Variants in NALCN observed in about 807,000 individuals in gnomAD.
NALCN encodes the protein sodium leak channel NALCN.
A neutral mutation model predicts 225.3 loss-of-function variants in NALCN; 111 were observed. The ratio of observed to expected loss-of-function variants is 0.49; its 90% confidence interval spans 0.42 to 0.58. The LOEUF is 0.58. Ranked by LOEUF, NALCN falls within the 20% of genes least tolerant of loss-of-function variation. The probability of loss-of-function intolerance (pLI) is 0.00; values close to 1 mark genes in which losing one functional copy is unlikely to be tolerated. For missense variants in NALCN, 1,378 were observed against 2,202.4 expected, an observed-to-expected ratio of 0.63 and a Z score of 7.49; for synonymous variants, 764 against 769.0, an observed-to-expected ratio of 0.99 and a Z score of 0.11.
intron 6 of NALCN, among the ~76,000 whole-genome samples, chr13:101,354,843 A>G (rs1031765824): frequency 4.6e-5 from 7 of 152,212 alleles, no homozygotes; most frequent in African/African-American, 1.7e-4. Context: ...CAAGGTGGCC[A>G]GACATACTAA....
intron 26 of NALCN, among the ~76,000 whole-genome samples, chr13:101,101,978 T>C (rs1009029953): frequency 1.3e-5 from 2 of 152,226 alleles, no homozygotes; most frequent in African/African-American, 4.8e-5. Flanking sequence ...GTCACTGTTT[T>C]ATGGCTTTGC....
At chr13:101,322,959 C>T (rs1289669416) in intron 7 of NALCN, among the ~76,000 whole-genome samples, 5 of 151,992 alleles carry the variant, frequency 3.3e-5, no homozygotes, top group Admixed American at 6.6e-5. Flanking sequence ...TGATACTGCC[C>T]GCCTTGGCCT....
At chr13:101,313,092 T>C (rs2044412525) in intron 7 of NALCN, among the ~76,000 whole-genome samples, 1 of 152,206 alleles carries the variant, frequency 6.6e-6, no homozygotes, top group African/African-American at 2.4e-5. Context: ...AAGGATTCCC[T>C]ATTTAATAAA....
intron 11 of NALCN, among the ~76,000 whole-genome samples, chr13:101,242,326 A>G (rs1347886454): frequency 9.5e-6 from 1 of 105,028 alleles, no homozygotes; most frequent in Non-Finnish European, 2.1e-5. Context: ...ACTATTTGCT[A>G]ATTTCTTTCC....
chr13:101,088,876 A>C (rs577261199), intron 30 of NALCN, among the ~76,000 whole-genome samples: 1 of 151,728 alleles, frequency 6.6e-6, no homozygotes, highest in Non-Finnish European at 1.5e-5. Context: ...TGTCAAGTTC[A>C]TATGAAATTA....
At position 101,089,247 on chromosome 13, in the gene NALCN, C is replaced by T. The variant is rs569032509; in HGVS notation, c.3489+416G>A. On this transcript the variant is annotated intron_variant, in intron 30 of 43. Transcript: ENST00000251127. This position sits in a 1 kb window ranked among gnomAD's most constrained non-coding sequence, Gnocchi z 4.7. ...AGGATTTTGAAATTTCTACCAGACT[C>T]CCCTCACCCCCATCAAAATCCTGAG... Among the ~76,000 whole-genome samples the T allele has an allele frequency of 2.0e-5, 3 of 152,270 alleles. No homozygotes were observed. The highest frequency in any genetic ancestry group is 6.5e-5 in the Admixed American group (1 of 15,286).
At chr13:101,168,486 A>G (rs2038560178) in intron 15 of NALCN, among the ~76,000 whole-genome samples, 1 of 152,152 alleles carries the variant, frequency 6.6e-6, no homozygotes, top group Non-Finnish European at 1.5e-5. Flanking sequence ...ACTTAAAGAA[A>G]TCTAGAAATC....
chr13:101,191,864 T>C (rs1323301237), intron 14 of NALCN, 53 bp downstream of exon 14: 3 of 1,566,580 alleles, frequency 1.9e-6, no homozygotes, highest in Non-Finnish European at 1.7e-6. Flanking sequence ...TCTGTTGATG[T>C]TCATCCCATT....
chr13:101,158,647 C>T (rs1241243808), intron 15 of NALCN, among the ~76,000 whole-genome samples: 1 of 152,222 alleles, frequency 6.6e-6, no homozygotes, highest in East Asian at 1.9e-4. Flanking sequence ...AAGATGCCAG[C>T]TTCCTTTCAC....
At chr13:101,360,676 CA>C (rs1485951291) in intron 6 of NALCN, among the ~76,000 whole-genome samples, 1 of 152,150 alleles carries the variant, frequency 6.6e-6, no homozygotes, top group Non-Finnish European at 1.5e-5. Context: ...CAAAGTACAC[CA>C]GCCCAATTCA....
At position 101,110,640 on chromosome 13, in the gene NALCN, AGATTTTC is replaced by A. The variant is rs2035377581; in HGVS notation, c.2336_2342del (p.Gly779ValfsTer5). On this transcript the variant is annotated frameshift_variant, in exon 20 of 44. Transcript: ENST00000251127. LOFTEE classifies it high-confidence loss of function. ...TTACATCTTGAGTCAAAGTTTCAAG[AGATTTTC>A]CCCTGCTGATCCTCTGGCTGTTTGA... 2 of 1,613,966 alleles carry A rather than the reference AGATTTTC, an allele frequency of 1.2e-6. No homozygotes were observed. The highest frequency in any genetic ancestry group is 2.2e-5 in the South Asian group (2 of 91,086).
At chr13:101,402,470 C>T (rs767354065) in intron 1 of NALCN, among the ~76,000 whole-genome samples, 3 of 152,182 alleles carry the variant, frequency 2.0e-5, no homozygotes, top group Admixed American at 1.3e-4. Flanking sequence ...ATTCCAGCCC[C>T]GTCTTCACAG....
At chr13:101,337,277 ATTATTTAT>A (rs3062886) in intron 7 of NALCN, among the ~76,000 whole-genome samples, 2,296 of 142,594 alleles carry the variant, frequency 0.016, 49 homozygotes, top group East Asian at 0.073. Context: ...TTTACTCTTT[ATTATTTAT>A]TTATTTATTT....
intron 7 of NALCN, among the ~76,000 whole-genome samples, chr13:101,314,590 A>C (rs1166335161): frequency 6.6e-6 from 1 of 152,136 alleles, no homozygotes; most frequent in Non-Finnish European, 1.5e-5. Context: ...ATACCACAGC[A>C]CCTCTTATTT....
At position 101,176,288 on chromosome 13, in the gene NALCN, C is replaced by A; in HGVS notation, c.1839+12G>T. ...TGTCCTTTTTAAAAAAAATCCCCCA[C>A]ACACTACTTACTTGTTTAAGCTTCT... On this transcript the variant is annotated intron_variant, in intron 15 of 43. Coordinates refer to ENST00000251127, the MANE Select transcript of NALCN (RefSeq NM_052867.4). 1 of 1,528,014 alleles carries A rather than the reference C, an allele frequency of 6.5e-7. No individual in the cohort carries two copies. The highest frequency in any genetic ancestry group is 8.7e-7 in the Non-Finnish European group (1 of 1,144,046). 94.7% of individuals were successfully genotyped at this position (1,528,014 alleles called of 1,614,324 possible). A position where few individuals can be genotyped will look rare whatever the true frequency, so the allele number is the denominator to read the frequency against.
intron 6 of NALCN, among the ~76,000 whole-genome samples, chr13:101,354,212 G>T (rs1233604666): frequency 6.6e-6 from 1 of 152,064 alleles, no homozygotes; most frequent in East Asian, 1.9e-4. Context: ...GTTTGGTAGC[G>T]TATGCCTGTA....
chr13:101,345,166 C>G (rs547594024), intron 7 of NALCN, 100 bp downstream of exon 7: 8 of 1,224,228 alleles, frequency 6.5e-6, no homozygotes, highest in African/African-American at 1.5e-5. Context: ...TTCTATACTA[C>G]AGCCAGTCAA....
At chr13:101,122,762 T>C (rs2036040585) in intron 18 of NALCN, among the ~76,000 whole-genome samples, 1 of 152,238 alleles carries the variant, frequency 6.6e-6, no homozygotes, top group Non-Finnish European at 1.5e-5. Context: ...AGAAAAAGTC[T>C]GGCTTTATTT....
intron 6 of NALCN, among the ~76,000 whole-genome samples, chr13:101,370,450 T>G (rs1375530375): frequency 6.6e-6 from 1 of 152,214 alleles, no homozygotes; most frequent in Non-Finnish European, 1.5e-5. Context: ...TTAATGCCCA[T>G]GTGAGGCGGA....
Sources: gnomAD v4.1 joint callset for allele counts (sites outside exome capture counted in the v4.1 genomes callset) on GRCh38, gnomAD v4.1.1 for gene constraint, Gnocchi (gnomAD v3.1) non-coding constraint, MANE v1.5 for transcripts, NCBI Gene and HGNC (gene_info 2026-07-23, HGNC 2026-07-21) for gene names.